USP25: variants seen among roughly 807,000 people sequenced by gnomAD.
USP25 encodes the protein ubiquitin carboxyl-terminal hydrolase 25.
USP25 carries 85 observed loss-of-function variants against 158.5 expected under a neutral mutation model. The observed-to-expected ratio is 0.54, with a 90% CI of 0.45 to 0.64. USP25 has a LOEUF of 0.64. Among genes scored for constraint, USP25 ranks in the 30% least tolerant of loss-of-function variants. The probability of loss-of-function intolerance (pLI) is 0.00; values close to 1 mark genes in which losing one functional copy is unlikely to be tolerated. For synonymous variants in USP25, 464 were observed against 460.4 expected (o/e 1.01, Z -0.10); for missense variants, 1,242 against 1,327.3 (o/e 0.94, Z 1.00).
rs549755472 is a variant in USP25, at chr21:15,794,955, A to T, written c.555+3291A>T. On this transcript the variant is annotated intron_variant, in intron 5 of 25. Transcript: ENST00000400183. ...TTTAAAAAATGATGCATATTGTCAG[A>T]ACATTTCAGGATATAATTTAAAATG... 1.1e-3 allele frequency among the ~76,000 whole-genome samples: 171 copies of T among 151,708 alleles called. 1 individual carries two copies. The highest frequency in any genetic ancestry group is 8.7e-3 in the South Asian group (42 of 4,820).
At chr21:15,754,724 G>T (rs2033262096) in intron 1 of USP25, among the ~76,000 whole-genome samples, 1 of 152,164 alleles carries the variant, frequency 6.6e-6, no homozygotes, top group Non-Finnish European at 1.5e-5. Context: ...CCTTTAAGCT[G>T]TGAGGACTAT....
intron 1 of USP25, among the ~76,000 whole-genome samples, chr21:15,746,103 C>G (rs376962590): frequency 6.6e-6 from 1 of 152,154 alleles, no homozygotes; most frequent in African/African-American, 2.4e-5. Flanking sequence ...TGAAATGTGC[C>G]TTGAAGTGGG....
chr21:15,827,609 T>G (rs1249141613), intron 14 of USP25, among the ~76,000 whole-genome samples: 1 of 152,204 alleles, frequency 6.6e-6, no homozygotes, highest in Non-Finnish European at 1.5e-5. Flanking sequence ...GGCTTAAGAA[T>G]TAGAAATGTG....
chr21:15,750,212 A>G (rs112507853), intron 1 of USP25, among the ~76,000 whole-genome samples: 4,172 of 69,812 alleles, frequency 0.06, 178 homozygotes, highest in African/African-American at 0.21. Flanking sequence ...GTGTGTGTGT[A>G]TGTTTTTTTT....
At chr21:15,828,550 A>G (rs1017808123) in intron 14 of USP25, among the ~76,000 whole-genome samples, 1 of 152,248 alleles carries the variant, frequency 6.6e-6, no homozygotes, top group African/African-American at 2.4e-5. Flanking sequence ...AATAGAATGT[A>G]TTTTGGAAAA....
chr21:15,765,894 T>A, intron 2 of USP25, 103 bp from the exon 3 acceptor site: 1 of 1,218,608 alleles, frequency 8.2e-7, no homozygotes. Context: ...ATTGCAAATT[T>A]AAAGCAATTT....
rs1294713914 is a variant in USP25 at position 15,878,343 on chromosome 21, G to A, written c.3246G>A (p.Leu1082=). The A allele has an allele frequency of 6.2e-7, 1 of 1,612,720 alleles. No individual in the cohort carries two copies. Among genetic ancestry groups the A allele is most frequent in the South Asian group, 1.1e-5 (1 of 90,844 alleles). ...AGCTGACAGATTTTTTGCCAAAACT[G>A]CTTGATTGTTCTATGGAGATTAAAA... ...QEKLTDFLPK[L]LDCSMEIKSF... The change falls in exon 26 of 26, where the codon CTG becomes CTA. Residue 1082 remains leucine, a synonymous_variant. Transcript: ENST00000400183.
intron 4 of USP25, 35 bp from the exon 5 acceptor site, chr21:15,791,467 A>C (rs760274981): frequency 6.3e-7 from 1 of 1,586,044 alleles, no homozygotes; most frequent in Admixed American, 1.8e-5. Context: ...ATATACCATT[A>C]TATAATGCTG....
chr21:15,849,861 G>C lies in USP25; in HGVS notation c.2536G>C (p.Gly846Arg). The change falls in exon 20 of 26, where the codon GGG becomes CGG. Residue 846 changes from glycine (G) to arginine (R), a missense_variant. This residue lies in a region of USP25 where 608 missense variants were observed against 605.2 expected (regional missense o/e 1.00). Coordinates refer to ENST00000400183, the MANE Select transcript of USP25 (RefSeq NM_001283041.3). ...ATATGACAGGTGTGGCCCTGAAGCA[G>C]GGTTCTTTAAGGTACAATGAACATT... is the stretch of plus-strand genomic sequence containing the variant. ...SVYDRCGPEA[G>R]FFKAIKLEYA... 1 of 1,518,576 alleles carries C rather than the reference G, an allele frequency of 6.6e-7. No individual in the cohort carries two copies. Among genetic ancestry groups the C allele is most frequent in the East Asian group, 2.5e-5 (1 of 40,172 alleles). 94.1% of individuals were successfully genotyped at this position (1,518,576 alleles called of 1,614,324 possible). A position where few individuals can be genotyped will look rare whatever the true frequency, so the allele number is the denominator to read the frequency against.
At chr21:15,754,452 G>A (rs1204062292) in intron 1 of USP25, among the ~76,000 whole-genome samples, 1 of 152,190 alleles carries the variant, frequency 6.6e-6, no homozygotes, top group African/African-American at 2.4e-5. Flanking sequence ...AACATTTGGT[G>A]CCTAGCAGTG....
At chr21:15,830,489 C>A in intron 14 of USP25, 42 bp from the exon 15 acceptor site, 1 of 1,517,404 alleles carries the variant, frequency 6.6e-7, no homozygotes, top group Non-Finnish European at 9.0e-7. Context: ...TAAGTAGAAA[C>A]ACATTTGCTG....
rs1756781188 is a variant in USP25 at position 15,730,466 on chromosome 21, C to T, written c.45+28C>T. 2.2e-6 allele frequency: 3 copies of T among 1,334,418 alleles called. 1 individual carries two copies. The highest frequency in any genetic ancestry group is 3.9e-5 in the South Asian group (2 of 51,380). The allele number at this position is 1,334,418 out of a possible 1,614,324, so 82.7% of individuals were successfully genotyped here. ...GAGGCGAGTCCGCCAGCCGGCGGGC[C>T]CCACTTCTCCTTCCGACGGGCTGTC... On this transcript the variant is annotated intron_variant, in intron 1 of 25. Coordinates refer to ENST00000400183, the MANE Select transcript of USP25 (RefSeq NM_001283041.3).
intron 1 of USP25, among the ~76,000 whole-genome samples, chr21:15,733,355 T>C (rs79456436): frequency 0.037 from 5,642 of 152,178 alleles, 317 homozygotes; most frequent in African/African-American, 0.13. Context: ...TCAGCAAATA[T>C]GTGATGAATG....
In USP25 at chr21:15,875,246, G is replaced by A. The variant is rs1408320330; in HGVS notation, c.3009+720G>A. 6.6e-6 allele frequency among the ~76,000 whole-genome samples: 1 copy of A among 152,076 alleles called. No individual in the cohort carries two copies. The highest frequency in any genetic ancestry group is 1.5e-5 in the Non-Finnish European group (1 of 68,012). Reference sequence around the variant, plus strand: ...TTAACTTAAAAAATTGAATTTTCAGGTACAAGAATAGTATAGCTGACTTTA... The same window carrying A: ...TTAACTTAAAAAATTGAATTTTCAGATACAAGAATAGTATAGCTGACTTTA... On this transcript the variant is annotated intron_variant, in intron 24 of 25. Coordinates refer to ENST00000400183, the MANE Select transcript of USP25 (RefSeq NM_001283041.3). This position sits in a 1 kb window ranked among gnomAD's most constrained non-coding sequence, Gnocchi z 4.7.
rs533981822 is a variant in USP25 at position 15,868,241 on chromosome 21, C to CA, written c.2806-1826dup. ...CATTCATTTATCCATAAGAGGCACT[C>CA]ACTGACCAGATATTTTTGACCAGGA... On this transcript the variant is annotated intron_variant, in intron 22 of 25. Transcript: ENST00000400183. 1.9e-4 allele frequency among the ~76,000 whole-genome samples: 29 copies of CA among 152,262 alleles called. No individual in the cohort carries two copies. The South Asian group carries it at 5.8e-3, about 30-fold the overall frequency.
At chr21:15,831,964 A>G (rs2146392731) in intron 16 of USP25, among the ~76,000 whole-genome samples, 1 of 152,190 alleles carries the variant, frequency 6.6e-6, no homozygotes, top group East Asian at 1.9e-4. Flanking sequence ...TTATCTCCCC[A>G]CCTTCATTGA....
At chr21:15,873,833 T>C (rs1236482694) in intron 23 of USP25, among the ~76,000 whole-genome samples, 1 of 152,186 alleles carries the variant, frequency 6.6e-6, no homozygotes, top group African/African-American at 2.4e-5. Context: ...TTGTTTTTGC[T>C]TTATTCCACT....
At chr21:15,755,837 T>G (rs2033337841) in intron 1 of USP25, among the ~76,000 whole-genome samples, 1 of 152,106 alleles carries the variant, frequency 6.6e-6, no homozygotes, top group African/African-American at 2.4e-5. Flanking sequence ...GGCCAGATGA[T>G]TGAAGCCTGA....
chr21:15,864,252 T>G lies in USP25; in HGVS notation c.2548-16T>G. ...AAATAATTAACCAAAATTATCATTT[T>G]CATTGCATTTTCCAGGCAATTAAGT... On this transcript the variant is annotated splice_polypyrimidine_tract_variant and intron_variant, in intron 20 of 25. Coordinates refer to ENST00000400183, the MANE Select transcript of USP25 (RefSeq NM_001283041.3). 6.3e-7 allele frequency: 1 copy of G among 1,591,104 alleles called. No individual in the cohort carries two copies.
Sources: gnomAD v4.1 joint callset for allele counts (sites outside exome capture counted in the v4.1 genomes callset) on GRCh38, gnomAD v4.1.1 for gene constraint, gnomAD v4.1.1 regional missense constraint, Gnocchi (gnomAD v3.1) non-coding constraint, MANE v1.5 for transcripts, NCBI Gene and HGNC (gene_info 2026-07-23, HGNC 2026-07-21) for gene names.